The following FBXO11 variants were observed in gnomAD, a reference collection of about 807,000 sequenced individuals.
The protein encoded by FBXO11 is F-box protein 11, also known as F-box only protein 11.
FBXO11 carries 13 observed loss-of-function variants against 117.0 expected under a neutral mutation model. The observed-to-expected ratio is 0.11, with a 90% CI of 0.07 to 0.18. The LOEUF (loss-of-function observed/expected upper bound fraction) is 0.18, where lower values mean the gene tolerates loss of function less well. Among genes scored for constraint, FBXO11 ranks in the 10% least tolerant of loss-of-function variants. The pLI is 1.00. For synonymous variants in FBXO11, 490 were observed against 380.5 expected (o/e 1.29, Z -3.35); for missense variants, 767 against 1,164.4 (o/e 0.66, Z 4.97).
chr2:47,900,843 C>CAT (rs1558487477), intron 1 of FBXO11, among the ~76,000 whole-genome samples: 1 of 108,324 alleles, frequency 9.2e-6, no homozygotes, highest in Non-Finnish European at 2.1e-5. Flanking sequence ...TATACACACA[C>CAT]GTGTATATAT....
chr2:47,891,786 T>C (rs551347048), intron 1 of FBXO11, among the ~76,000 whole-genome samples: 2 of 152,290 alleles, frequency 1.3e-5, no homozygotes, highest in African/African-American at 2.4e-5. Flanking sequence ...ACACTTGTCT[T>C]CTATGTTTTT....
chr2:47,810,452 A>T, intron 18 of FBXO11, 26 bp from the exon 19 acceptor site: 1 of 1,464,528 alleles, frequency 6.8e-7, no homozygotes, highest in Non-Finnish European at 9.5e-7. Context: ...TCCTTAGATT[A>T]AGGCTAATGC....
chr2:47,896,917 A>C (rs781675733), intron 1 of FBXO11, among the ~76,000 whole-genome samples: 5 of 152,178 alleles, frequency 3.3e-5, no homozygotes, highest in Non-Finnish European at 7.3e-5. Context: ...TTCTCTCAAC[A>C]AATCTTCTTT....
chr2:47,835,491 C>T (rs1002734630), intron 5 of FBXO11, among the ~76,000 whole-genome samples: 3 of 152,052 alleles, frequency 2.0e-5, no homozygotes, highest in Admixed American at 6.6e-5. Flanking sequence ...TTCATTAAAA[C>T]CTACTCAACT....
At chr2:47,893,178 A>C (rs201293879) in intron 1 of FBXO11, among the ~76,000 whole-genome samples, 37 of 152,074 alleles carry the variant, frequency 2.4e-4, no homozygotes, top group South Asian at 8.3e-4. Flanking sequence ...AAATAAATAA[A>C]TAAATAAATG....
chr2:47,876,776 C>T (rs1676037380), intron 1 of FBXO11, among the ~76,000 whole-genome samples: 1 of 152,184 alleles, frequency 6.6e-6, no homozygotes, highest in East Asian at 1.9e-4. Flanking sequence ...TATGAAAACT[C>T]AGTTCAATAT....
At chr2:47,889,015 GAGA>G in intron 1 of FBXO11, among the ~76,000 whole-genome samples, 1 of 152,292 alleles carries the variant, frequency 6.6e-6, no homozygotes, top group Admixed American at 6.5e-5. Context: ...CCTTGGACTA[GAGA>G]AGATGAAGGA....
At chr2:47,846,384 T>G (rs1001908863) in intron 1 of FBXO11, among the ~76,000 whole-genome samples, 6 of 152,206 alleles carry the variant, frequency 3.9e-5, no homozygotes, top group African/African-American at 7.2e-5. Context: ...GGAGAATTGC[T>G]TGAACCTGGA....
At chr2:47,822,871 T>C (rs1287857035) in intron 12 of FBXO11, among the ~76,000 whole-genome samples, 2 of 152,198 alleles carry the variant, frequency 1.3e-5, no homozygotes, top group African/African-American at 4.8e-5. Context: ...ATAATGCAGT[T>C]TGATGAATTT....
chr2:47,825,154 A>ATG (rs751934987), intron 11 of FBXO11, among the ~76,000 whole-genome samples: 6 of 152,168 alleles, frequency 3.9e-5, no homozygotes, highest in Non-Finnish European at 8.8e-5. Flanking sequence ...AGTATACTAT[A>ATG]TGTTTAACTC....
intron 16 of FBXO11, among the ~76,000 whole-genome samples, chr2:47,815,798 C>A (rs1375267355): frequency 6.6e-6 from 1 of 152,192 alleles, no homozygotes; most frequent in Non-Finnish European, 1.5e-5. Context: ...TCCCCGCATG[C>A]CCCAGCTCTT....
intron 1 of FBXO11, among the ~76,000 whole-genome samples, chr2:47,846,077 G>A (rs1673383251): frequency 6.6e-6 from 1 of 152,120 alleles, no homozygotes; most frequent in African/African-American, 2.4e-5. Context: ...TAAAGCCAAC[G>A]ATCCATGATA....
chr2:47,854,863 G>T (rs72811503), intron 1 of FBXO11, among the ~76,000 whole-genome samples: 4,697 of 143,138 alleles, frequency 0.033, 127 homozygotes, highest in African/African-American at 0.077. Flanking sequence ...TTTTTTTTTT[G>T]TTTTTTTTTT....
chr2:47,834,701 G>C lies in FBXO11; in HGVS notation c.812C>G (p.Thr271Ser). 1 of 1,609,508 alleles carries C rather than the reference G, an allele frequency of 6.2e-7. No homozygotes were observed. Among genetic ancestry groups the C allele is most frequent in the Non-Finnish European group, 8.5e-7 (1 of 1,178,644 alleles). ...KGRENMLYYD[T>S]IEDALGGVQE... ...TACCCCACCAAGGGCATCTTCAATAGTATCATAATACTAGAAAAAAATAAA... is the reference window on the plus strand; with the variant it reads ...TACCCCACCAAGGGCATCTTCAATACTATCATAATACTAGAAAAAAATAAA... The change falls in exon 7 of 23, where the codon ACT (threonine) becomes AGT (serine). Residue 271 changes from threonine to serine, a missense_variant. Around this residue, in one of 10 missense-constraint regions of FBXO11, gnomAD observed 32 missense variants for 48.4 expected, o/e 0.66. Coordinates refer to ENST00000403359, the MANE Select transcript of FBXO11 (RefSeq NM_001190274.2).
intron 1 of FBXO11, among the ~76,000 whole-genome samples, chr2:47,871,882 T>G (rs1191543428): frequency 3.9e-5 from 6 of 152,266 alleles, no homozygotes; most frequent in Non-Finnish European, 8.8e-5. Flanking sequence ...TTCCCAATAC[T>G]GGGGATAATC....
rs750373260 is a variant in FBXO11 at position 47,872,869 on chromosome 2, T to C, written c.232+32620A>G. On this transcript the variant is annotated intron_variant, in intron 1 of 22. Coordinates refer to ENST00000403359, the MANE Select transcript of FBXO11 (RefSeq NM_001190274.2). ...GTTATTTTCCACAAAAATTATGTCA[T>C]GTAACATATTTAATAGATTACTGTT... Among the ~76,000 whole-genome samples the C allele has an allele frequency of 2.6e-5, 4 of 152,214 alleles. No individual in the cohort carries two copies. The South Asian group carries it at 6.2e-4, about 24-fold the overall frequency.
At chr2:47,856,125 A>T (rs541191608) in intron 1 of FBXO11, among the ~76,000 whole-genome samples, 1 of 152,332 alleles carries the variant, frequency 6.6e-6, no homozygotes, top group South Asian at 2.1e-4. Flanking sequence ...GATGAAAAAC[A>T]AACAAAAACC....
At chr2:47,850,577 C>A (rs1239520554) in intron 1 of FBXO11, among the ~76,000 whole-genome samples, 1 of 151,938 alleles carries the variant, frequency 6.6e-6, no homozygotes, top group South Asian at 2.1e-4. Flanking sequence ...CTGTTGATGT[C>A]AAAATTAACA....
chr2:47,900,897 T>C (rs28624542), intron 1 of FBXO11, among the ~76,000 whole-genome samples: 3,132 of 85,524 alleles, frequency 0.037, 321 homozygotes, highest in Non-Finnish European at 0.045. Flanking sequence ...CACGTATATA[T>C]ACACACATAT....
Sources: gnomAD v4.1 joint callset for allele counts (sites outside exome capture counted in the v4.1 genomes callset) on GRCh38, gnomAD v4.1.1 for gene constraint, gnomAD v4.1.1 regional missense constraint, MANE v1.5 for transcripts, NCBI Gene and HGNC (gene_info 2026-07-23, HGNC 2026-07-21) for gene names.